The following MED27 variants were observed in gnomAD, a reference collection of about 807,000 sequenced individuals.
The protein encoded by MED27 is mediator of RNA polymerase II transcription subunit 27.
In MED27, 30 loss-of-function variants were observed where a neutral mutation model predicts 38.2. The ratio of observed to expected loss-of-function variants is 0.79; its 90% CI spans 0.59 to 1.07. The LOEUF (loss-of-function observed/expected upper bound fraction) is 1.07. MED27 is among the 50% of genes least tolerant of loss of function. MED27 has a pLI of 0.00. For missense variants in MED27, 289 were observed against 397.5 expected (o/e 0.73, Z 2.32); for synonymous variants, 122 against 153.5 (o/e 0.79, Z 1.52).
intron 3 of MED27, among the ~76,000 whole-genome samples, chr9:131,947,755 C>T (rs1187201934): frequency 4.6e-5 from 7 of 151,826 alleles, no homozygotes; most frequent in African/African-American, 9.7e-5. Context: ...CTTAGCAGCT[C>T]GAGCCGGATT....
chr9:131,957,896 T>TA (rs1831136810), intron 3 of MED27, among the ~76,000 whole-genome samples: 4 of 146,916 alleles, frequency 2.7e-5, no homozygotes, highest in African/African-American at 7.6e-5. Context: ...CTGTCTCTAT[T>TA]TAAAAAAAAA....
At chr9:132,024,049 C>G (rs1028692528) in intron 2 of MED27, among the ~76,000 whole-genome samples, 2 of 152,180 alleles carry the variant, frequency 1.3e-5, no homozygotes, top group African/African-American at 4.8e-5. Flanking sequence ...AAGGCTGACA[C>G]TCTGGAGGCA....
chr9:132,066,447 C>T (rs542072951), intron 2 of MED27, among the ~76,000 whole-genome samples: 23 of 152,284 alleles, frequency 1.5e-4, no homozygotes, highest in African/African-American at 4.3e-4. Context: ...AGTTTGGCAA[C>T]GTGATAAAAA....
intron 4 of MED27, among the ~76,000 whole-genome samples, chr9:131,916,378 AC>A (rs1253996042): frequency 6.6e-6 from 1 of 152,212 alleles, no homozygotes; most frequent in East Asian, 1.9e-4. Context: ...CTACAAGAAA[AC>A]AGCAGCTTGG....
At chr9:131,900,228 C>G (rs1829913855) in intron 4 of MED27, among the ~76,000 whole-genome samples, 1 of 152,212 alleles carries the variant, frequency 6.6e-6, no homozygotes. Context: ...CTGCCTAGCC[C>G]CCCCATCAGG....
chr9:131,993,449 G>C (rs1482568549), intron 3 of MED27, among the ~76,000 whole-genome samples: 1 of 152,172 alleles, frequency 6.6e-6, no homozygotes, highest in Non-Finnish European at 1.5e-5. Flanking sequence ...CCAGCTGTGG[G>C]AGGACAGTCA....
At chr9:131,868,648 G>A in intron 6 of MED27, 1 of 985,494 alleles carries the variant, frequency 1.0e-6, no homozygotes, top group Middle Eastern at 5.2e-4. Context: ...CATAGTGGGT[G>A]AGGGCAGCAG....
intron 3 of MED27, among the ~76,000 whole-genome samples, chr9:132,011,444 G>A (rs1832485524): frequency 1.3e-5 from 2 of 152,130 alleles, no homozygotes; most frequent in Non-Finnish European, 2.9e-5. Context: ...TTTTAGACAG[G>A]CAGCCATGTT....
At chr9:132,029,518 G>A (rs571050509) in intron 2 of MED27, among the ~76,000 whole-genome samples, 16 of 152,226 alleles carry the variant, frequency 1.1e-4, no homozygotes, top group African/African-American at 3.9e-4. Flanking sequence ...AACAGACACA[G>A]GACAGAGTAT....
intron 4 of MED27, among the ~76,000 whole-genome samples, chr9:131,928,389 C>A (rs1830520372): frequency 6.6e-6 from 1 of 152,116 alleles, no homozygotes; most frequent in Non-Finnish European, 1.5e-5. Context: ...AAAAAAGCAC[C>A]ATAATAAGAA....
At chr9:131,968,688 G>A (rs1231785028) in intron 3 of MED27, among the ~76,000 whole-genome samples, 1 of 152,074 alleles carries the variant, frequency 6.6e-6, no homozygotes, top group East Asian at 1.9e-4. Context: ...GGAAACACTT[G>A]AAAACATTGT....
At chr9:132,006,760 G>A (rs572420725) in intron 3 of MED27, among the ~76,000 whole-genome samples, 46 of 152,244 alleles carry the variant, frequency 3.0e-4, no homozygotes, top group Non-Finnish European at 5.0e-4. Flanking sequence ...CTTCATCCTG[G>A]CAAGTGTTTG....
At chr9:131,901,614 C>T (rs945497790) in intron 4 of MED27, among the ~76,000 whole-genome samples, 14 of 152,158 alleles carry the variant, frequency 9.2e-5, no homozygotes, top group East Asian at 1.9e-4. Flanking sequence ...CCTAATTCAC[C>T]GCACATTTTG....
At chr9:131,989,279 T>A (rs1831921158) in intron 3 of MED27, among the ~76,000 whole-genome samples, 1 of 152,196 alleles carries the variant, frequency 6.6e-6, no homozygotes, top group African/African-American at 2.4e-5. Context: ...TATTCAGGAT[T>A]CCTCTTAGAA....
At chr9:132,070,030 C>A (rs544649238) in intron 2 of MED27, among the ~76,000 whole-genome samples, 1 of 152,330 alleles carries the variant, frequency 6.6e-6, no homozygotes, top group Admixed American at 6.5e-5. Flanking sequence ...TTAGTCCCCA[C>A]GACAGCCCCG....
At chr9:131,994,437 T>C (rs1266345175) in intron 3 of MED27, among the ~76,000 whole-genome samples, 1 of 152,136 alleles carries the variant, frequency 6.6e-6, no homozygotes, top group Non-Finnish European at 1.5e-5. Context: ...CAGAGATTAG[T>C]GCCACCTGGA....
intron 2 of MED27, among the ~76,000 whole-genome samples, chr9:132,055,345 G>A (rs1314759877): frequency 1.3e-5 from 2 of 152,104 alleles, no homozygotes; most frequent in Non-Finnish European, 2.9e-5. Context: ...TTTCATTAAC[G>A]CTCACCAAGT....
chr9:131,952,263 C>A (rs1831012709), intron 3 of MED27, among the ~76,000 whole-genome samples: 1 of 152,194 alleles, frequency 6.6e-6, no homozygotes, highest in African/African-American at 2.4e-5. Context: ...TCAGTAACAG[C>A]AAAACACCAA....
intron 2 of MED27, among the ~76,000 whole-genome samples, chr9:132,015,487 G>A (rs921653472): frequency 1.3e-5 from 2 of 152,244 alleles, no homozygotes; most frequent in South Asian, 2.1e-4. Context: ...TCTAATTTAC[G>A]TAAAATATAA....
Sources: allele counts gnomAD v4.1 joint callset (sites outside exome capture counted in the v4.1 genomes callset), GRCh38; gene constraint gnomAD v4.1.1; transcripts MANE v1.5; gene names NCBI Gene and HGNC (gene_info 2026-07-23, HGNC 2026-07-21).